The following KLHL1 variants were observed in gnomAD, a reference collection of about 807,000 sequenced individuals.
KLHL1 encodes the protein kelch like family member 1.
Under a neutral mutation model 77.7 loss-of-function variants are expected in KLHL1, and 47 were observed. The observed-to-expected ratio is 0.60, with a 90% CI of 0.48 to 0.77. The LOEUF (loss-of-function observed/expected upper bound fraction) is 0.77. KLHL1 is among the 30% of genes least tolerant of loss of function. The pLI, the probability that KLHL1 is intolerant of heterozygous loss-of-function variation, is 0.00. For synonymous variants in KLHL1, 360 were observed against 325.2 expected, an observed-to-expected ratio of 1.11 and a Z score of -1.15; for missense variants, 925 against 910.8, an observed-to-expected ratio of 1.02 and a Z score of -0.20.
intron 4 of KLHL1, among the ~76,000 whole-genome samples, chr13:69,924,191 T>C (rs892605356): frequency 6.6e-6 from 1 of 152,134 alleles, no homozygotes; most frequent in Non-Finnish European, 1.5e-5. Context: ...TGGGCACCAT[T>C]GATGACAGCA....
chr13:69,833,200 C>G (rs1167024127), intron 6 of KLHL1, among the ~76,000 whole-genome samples: 1 of 152,126 alleles, frequency 6.6e-6, no homozygotes, highest in Non-Finnish European at 1.5e-5. Context: ...TCTTCACAAA[C>G]TATGCATCTG....
At chr13:69,962,553 A>G (rs992580168) in intron 2 of KLHL1, among the ~76,000 whole-genome samples, 8 of 151,992 alleles carry the variant, frequency 5.3e-5, no homozygotes, top group Non-Finnish European at 7.4e-5. Flanking sequence ...TCCCTTCAGT[A>G]TGATGCCTGC....
chr13:69,957,821 T>TAAAAG (rs1211325838), intron 3 of KLHL1, among the ~76,000 whole-genome samples: 1 of 151,340 alleles, frequency 6.6e-6, no homozygotes, highest in Admixed American at 6.6e-5. Context: ...TTGAAAGTCT[T>TAAAAG]AAAAGAAAAA....
At chr13:70,085,438 T>C (rs536740686) in intron 1 of KLHL1, among the ~76,000 whole-genome samples, 45 of 152,284 alleles carry the variant, frequency 3.0e-4, no homozygotes, top group African/African-American at 9.6e-4. Flanking sequence ...AAAAGAAACA[T>C]GTAAGTCAAA....
At chr13:69,994,976 T>C (rs1000564250) in intron 1 of KLHL1, among the ~76,000 whole-genome samples, 2 of 152,234 alleles carry the variant, frequency 1.3e-5, no homozygotes, top group Admixed American at 1.3e-4. Flanking sequence ...TGAATTGAGC[T>C]CTTTGGTATC....
chr13:70,076,825 A>G (rs1887278881), intron 1 of KLHL1, among the ~76,000 whole-genome samples: 3 of 152,018 alleles, frequency 2.0e-5, no homozygotes, highest in Non-Finnish European at 4.4e-5. Flanking sequence ...AAAGTTAACA[A>G]AAGATTTGAA....
intron 7 of KLHL1, among the ~76,000 whole-genome samples, chr13:69,743,942 C>G (rs1003181058): frequency 6.6e-6 from 1 of 151,686 alleles, no homozygotes; most frequent in African/African-American, 2.4e-5. Flanking sequence ...CTTGAGAACT[C>G]TATTTTGGAT....
At chr13:69,889,236 T>C (rs1881336458) in intron 4 of KLHL1, among the ~76,000 whole-genome samples, 1 of 152,044 alleles carries the variant, frequency 6.6e-6, no homozygotes, top group Non-Finnish European at 1.5e-5. Context: ...GGGCTTTTGA[T>C]TATTTGCCTT....
chr13:70,005,763 C>T (rs1885391408), intron 1 of KLHL1, among the ~76,000 whole-genome samples: 1 of 151,864 alleles, frequency 6.6e-6, no homozygotes, highest in Non-Finnish European at 1.5e-5. Context: ...AGAATAAATA[C>T]ATCGTTTTAT....
intron 1 of KLHL1, among the ~76,000 whole-genome samples, chr13:70,065,368 A>C (rs1363820374): frequency 1.3e-5 from 2 of 152,160 alleles, no homozygotes; most frequent in Non-Finnish European, 2.9e-5. Context: ...TCTTAGTCAA[A>C]TCACTCTAGA....
At chr13:69,731,718 C>G (rs1873549899) in intron 8 of KLHL1, among the ~76,000 whole-genome samples, 1 of 152,068 alleles carries the variant, frequency 6.6e-6, no homozygotes, top group South Asian at 2.1e-4. Context: ...TTCACCTTTT[C>G]TTTCTTATCT....
intron 9 of KLHL1, among the ~76,000 whole-genome samples, chr13:69,715,894 A>G (rs1330398496): frequency 1.3e-5 from 2 of 152,128 alleles, no homozygotes; most frequent in East Asian, 3.9e-4. Flanking sequence ...TAGTATTTAG[A>G]TAAGATATAA....
At position 69,796,830 on chromosome 13, in the gene KLHL1, C is replaced by T. The variant is rs1179728200; in HGVS notation, c.1547G>A (p.Gly516Asp). ...TTCAACAGTGTTCAATGTCTTTAAG[C>T]CATCTCGACCTCCAATTACAAAGAG... Reference protein sequence around the residue: ...DKLFVIGGRDGLKTLNTVECY... With the variant: ...DKLFVIGGRDDLKTLNTVECY... The change falls in exon 7 of 11, where the codon GGC becomes GAC. Residue 516 changes from glycine (G) to aspartate (D), a missense_variant. Gly to Asp is a moderately conservative substitution (Grantham distance 94). Transcript: ENST00000377844. 2.5e-5 allele frequency: 41 copies of T among 1,614,034 alleles called. No homozygotes were observed. Among genetic ancestry groups the T allele is most frequent in the Non-Finnish European group, 3.5e-5 (41 of 1,180,014 alleles).
intron 9 of KLHL1, among the ~76,000 whole-genome samples, chr13:69,711,952 C>A (rs555094639): frequency 1.3e-5 from 2 of 152,116 alleles, no homozygotes; most frequent in Non-Finnish European, 2.9e-5. Flanking sequence ...TTTTAATTTG[C>A]ATTTCCCTGA....
chr13:69,879,181 G>C (rs1033562463), intron 5 of KLHL1, among the ~76,000 whole-genome samples: 2 of 152,044 alleles, frequency 1.3e-5, no homozygotes, highest in South Asian at 4.2e-4. Flanking sequence ...TTGTGCACAT[G>C]TACCCTAGAA....
At chr13:69,773,042 G>A (rs1473816274) in intron 7 of KLHL1, among the ~76,000 whole-genome samples, 1 of 150,964 alleles carries the variant, frequency 6.6e-6, no homozygotes, top group Non-Finnish European at 1.5e-5. Flanking sequence ...CATTACACAG[G>A]CAGAAAACAG....
intron 2 of KLHL1, among the ~76,000 whole-genome samples, chr13:69,973,111 C>T (rs1884440573): frequency 6.6e-6 from 1 of 151,938 alleles, no homozygotes; most frequent in South Asian, 2.1e-4. Flanking sequence ...AATGGGTTAT[C>T]TGAAATATTA....
chr13:69,996,902 T>C (rs1468384268), intron 1 of KLHL1, among the ~76,000 whole-genome samples: 3 of 143,728 alleles, frequency 2.1e-5, no homozygotes, highest in Non-Finnish European at 4.5e-5. Flanking sequence ...TCTTATTTTA[T>C]TCATTAAATT....
chr13:69,934,438 T>G (rs1322515382), intron 4 of KLHL1, among the ~76,000 whole-genome samples: 2 of 152,154 alleles, frequency 1.3e-5, no homozygotes, highest in African/African-American at 4.8e-5. Context: ...TTGTCATTTA[T>G]AATGATAATT....
Sources: gnomAD v4.1 joint callset for allele counts (sites outside exome capture counted in the v4.1 genomes callset) on GRCh38, gnomAD v4.1.1 for gene constraint, MANE v1.5 for transcripts, NCBI Gene and HGNC (gene_info 2026-07-23, HGNC 2026-07-21) for gene names.